Variants in WDR72 observed in about 807,000 individuals in gnomAD.
WDR72 encodes the protein WD repeat domain 72, also known as WD repeat-containing protein 72.
A neutral mutation model predicts 124.2 loss-of-function variants in WDR72; 120 were observed. The observed-to-expected ratio is 0.97, with a 90% CI of 0.83 to 1.12. WDR72 has a LOEUF of 1.12. Among genes scored for constraint, WDR72 ranks in the 50% most tolerant of loss-of-function variants. WDR72 has a pLI of 0.00. For missense variants in WDR72, 1,387 were observed against 1,278.8 expected, an observed-to-expected ratio of 1.08 and a Z score of -1.29; for synonymous variants, 452 against 441.7, an observed-to-expected ratio of 1.02 and a Z score of -0.29.
At chr15:53,762,579 T>A (rs2019079050), upstream of WDR72, 1 of 152,304 alleles carries the variant, frequency 6.6e-6, no homozygotes, top group Non-Finnish European at 1.5e-5. Context: ...ATCCTTTCCT[T>A]CTAAGTCTGC....
chr15:53,681,224 A>G (rs763600624), intron 13 of WDR72, among the ~76,000 whole-genome samples: 6 of 152,150 alleles, frequency 3.9e-5, no homozygotes, highest in African/African-American at 9.7e-5. Flanking sequence ...TGCGTTTCCA[A>G]TTGTTTCTGT....
At chr15:53,623,585 T>A (rs774978123) in intron 14 of WDR72, among the ~76,000 whole-genome samples, 4 of 152,168 alleles carry the variant, frequency 2.6e-5, no homozygotes, top group African/African-American at 9.7e-5. Context: ...TGATTCCATA[T>A]CTTTGCTATT....
intron 13 of WDR72, 139 bp downstream of exon 13, chr15:53,699,611 C>A: frequency 1.1e-6 from 1 of 870,896 alleles, no homozygotes; most frequent in Admixed American, 2.3e-5. Context: ...ATGCCTTTAA[C>A]TGAAGCCATT....
chr15:53,517,838 G>A, intron 19 of WDR72, 84 bp from the exon 20 acceptor site: 4 of 1,274,724 alleles, frequency 3.1e-6, no homozygotes, highest in Admixed American at 3.4e-5. Flanking sequence ...GGGAGGGAGA[G>A]AGGAAATGAA....
intron 13 of WDR72, among the ~76,000 whole-genome samples, chr15:53,696,113 C>G (rs1330964897): frequency 1.3e-5 from 2 of 152,140 alleles, no homozygotes; most frequent in African/African-American, 2.4e-5. Flanking sequence ...TGGAGTTGCT[C>G]TAGTGCTGAA....
chr15:53,618,844 A>T (rs1231477054), intron 14 of WDR72, among the ~76,000 whole-genome samples: 1 of 151,966 alleles, frequency 6.6e-6, no homozygotes, highest in Admixed American at 6.6e-5. Flanking sequence ...TTCTCTTACC[A>T]TCCCATTATC....
chr15:53,540,837 C>G (rs1039461159), intron 18 of WDR72: 1 of 154,814 alleles, frequency 6.5e-6, no homozygotes, highest in Non-Finnish European at 1.4e-5. Flanking sequence ...CTTGGGAAGC[C>G]CAACGGTCAG....
At chr15:53,626,731 T>C (rs999798055) in intron 14 of WDR72, among the ~76,000 whole-genome samples, 3 of 152,194 alleles carry the variant, frequency 2.0e-5, no homozygotes, top group Admixed American at 6.5e-5. Flanking sequence ...TGAGCTCTCC[T>C]TACTATCTGA....
At chr15:53,674,788 C>G (rs2016109126) in intron 13 of WDR72, among the ~76,000 whole-genome samples, 1 of 152,128 alleles carries the variant, frequency 6.6e-6, no homozygotes, top group Non-Finnish European at 1.5e-5. Context: ...AAGTCTCTAA[C>G]CACCATGACC....
intron 3 of WDR72, among the ~76,000 whole-genome samples, chr15:53,717,793 A>G (rs2017755272): frequency 6.6e-6 from 1 of 152,130 alleles, no homozygotes; most frequent in Non-Finnish European, 1.5e-5. Context: ...TATTCTAGAA[A>G]TACACACAAA....
chr15:53,541,807 T>C (rs1161490099), intron 18 of WDR72, among the ~76,000 whole-genome samples: 1 of 111,496 alleles, frequency 9.0e-6, no homozygotes, highest in African/African-American at 3.5e-5. Context: ...AAGGAGCTGA[T>C]GGAGCTGAAA....
At chr15:53,657,697 A>C in intron 14 of WDR72, among the ~76,000 whole-genome samples, 1 of 152,314 alleles carries the variant, frequency 6.6e-6, no homozygotes, top group South Asian at 2.1e-4. Flanking sequence ...TAAATGATAT[A>C]AATATTTATT....
At chr15:53,625,920 C>T (rs1409403212) in intron 14 of WDR72, among the ~76,000 whole-genome samples, 1 of 152,030 alleles carries the variant, frequency 6.6e-6, no homozygotes, top group Non-Finnish European at 1.5e-5. Context: ...TCCTTTTCTC[C>T]CTGATTCAGA....
intron 3 of WDR72, among the ~76,000 whole-genome samples, chr15:53,719,692 C>A (rs959339921): frequency 3.3e-5 from 5 of 152,160 alleles, no homozygotes; most frequent in Admixed American, 2.6e-4. Context: ...GCCAGCAGTA[C>A]CCGCATAGTC....
chr15:53,749,595 T>C lies in WDR72; in HGVS notation c.-13+10038A>G, dbSNP rs145383940. On this transcript the variant is annotated intron_variant, in intron 1 of 19. Coordinates refer to ENST00000360509, the MANE Select transcript of WDR72 (RefSeq NM_182758.4). ...AAGGAAGAGTTGCACTTTTCTCACCTTAAATCAAAGCCAAAAATGATTAAG... is the reference window on the plus strand; with the variant it reads ...AAGGAAGAGTTGCACTTTTCTCACCCTAAATCAAAGCCAAAAATGATTAAG... Among the ~76,000 whole-genome samples, 87 of 152,264 alleles carry C rather than the reference T, an allele frequency of 5.7e-4. 2 individuals carry two copies. The highest frequency in any genetic ancestry group is 2.0e-3 in the African/African-American group (82 of 41,562).
chr15:53,528,784 A>AAGAT (rs1337702201), intron 18 of WDR72, among the ~76,000 whole-genome samples: 1 of 151,984 alleles, frequency 6.6e-6, no homozygotes, highest in African/African-American at 2.4e-5. Flanking sequence ...AAGTTTGGGG[A>AAGAT]AGATAAATGA....
At chr15:53,636,271 TCCTAA>T (rs964957383) in intron 14 of WDR72, among the ~76,000 whole-genome samples, 2 of 152,198 alleles carry the variant, frequency 1.3e-5, no homozygotes, top group Non-Finnish European at 2.9e-5. Context: ...TGTCTGAATA[TCCTAA>T]CCTAAGATTT....
At chr15:53,755,409 T>A (rs2018875457) in intron 1 of WDR72, among the ~76,000 whole-genome samples, 1 of 152,232 alleles carries the variant, frequency 6.6e-6, no homozygotes, top group African/African-American at 2.4e-5. Flanking sequence ...TTTTCAATTT[T>A]AAATAATAAT....
At chr15:53,630,142 C>T (rs1055038893) in intron 14 of WDR72, among the ~76,000 whole-genome samples, 19 of 152,108 alleles carry the variant, frequency 1.2e-4, no homozygotes, top group Middle Eastern at 3.4e-3. Flanking sequence ...AAGACATAAA[C>T]GACCAAAACT....
Sources: gnomAD v4.1 joint callset for allele counts (sites outside exome capture counted in the v4.1 genomes callset) on GRCh38, gnomAD v4.1.1 for gene constraint, MANE v1.5 for transcripts, NCBI Gene and HGNC (gene_info 2026-07-23, HGNC 2026-07-21) for gene names.